Variants in ATP10A observed in about 807,000 individuals in gnomAD.
The protein encoded by ATP10A is phospholipid-transporting ATPase VA.
A neutral mutation model predicts 147.8 loss-of-function variants in ATP10A; 111 were observed. That is an observed-to-expected ratio of 0.75 (90% CI 0.64 to 0.88). The LOEUF (loss-of-function observed/expected upper bound fraction) is 0.88. ATP10A is among the 40% of genes least tolerant of loss of function. The probability of loss-of-function intolerance (pLI) is 0.00; values close to 1 mark genes in which losing one functional copy is unlikely to be tolerated. For synonymous variants in ATP10A, 875 were observed against 841.6 expected (o/e 1.04, Z -0.69); for missense variants, 1,927 against 1,959.0 (o/e 0.98, Z 0.31).
intron 10 of ATP10A, chr15:25,709,397 C>T (rs1379006610): frequency 6.6e-6 from 1 of 152,176 alleles, no homozygotes; most frequent in Non-Finnish European, 1.5e-5. Context: ...GATTGTTCCT[C>T]GAGCAAAGCC....
chr15:25,802,604 A>G (rs4906635), intron 1 of ATP10A, among the ~76,000 whole-genome samples: 64,876 of 152,050 alleles, frequency 0.43, 14,487 homozygotes, highest in Middle Eastern at 0.54. Flanking sequence ...GTCTCAGCGG[A>G]GAGTATGCTT....
At chr15:25,832,915 C>T (rs1892423259) in intron 1 of ATP10A, among the ~76,000 whole-genome samples, 1 of 151,910 alleles carries the variant, frequency 6.6e-6, no homozygotes, top group Non-Finnish European at 1.5e-5. Context: ...TAGGCAATAT[C>T]ACTCTGTGCT....
At chr15:25,746,939 T>A (rs1019101126) in intron 2 of ATP10A, among the ~76,000 whole-genome samples, 6 of 151,778 alleles carry the variant, frequency 4.0e-5, no homozygotes, top group African/African-American at 1.5e-4. Context: ...GCAAATAATA[T>A]CCCAAAAATA....
At chr15:25,815,610 C>T (rs1176969600) in intron 1 of ATP10A, among the ~76,000 whole-genome samples, 5 of 9,408 alleles carry the variant, frequency 5.3e-4, no homozygotes, top group African/African-American at 1.3e-3. Context: ...GTTCACCTCT[C>T]GCAACTGTTA....
At position 25,692,179 on chromosome 15, in the gene ATP10A, C is replaced by T. The variant is rs184258921; in HGVS notation, c.3089-388G>A. ...CAAGGCTACTCCCAGCCACACTTCC[C>T]GGGCAGTTTCTAAACTAAGGGAAGG... On this transcript the variant is annotated intron_variant, in intron 14 of 20. Coordinates refer to ENST00000555815, the MANE Select transcript of ATP10A (RefSeq NM_024490.4). Among the ~76,000 whole-genome samples, 3 of 152,226 alleles carry T rather than the reference C, an allele frequency of 2.0e-5. No individual in the cohort carries two copies. In the East Asian group the frequency reaches 5.8e-4, roughly 30 times the overall value.
intron 16 of ATP10A, 101 bp downstream of exon 16, chr15:25,687,602 T>C (rs1476824309): frequency 1.4e-6 from 1 of 734,734 alleles, no homozygotes; most frequent in Non-Finnish European, 1.7e-6. Flanking sequence ...AGGTTGTCCA[T>C]GGCCTCCCAT....
chr15:25,786,513 C>T (rs1286003577), intron 1 of ATP10A, among the ~76,000 whole-genome samples: 1 of 151,906 alleles, frequency 6.6e-6, no homozygotes, highest in Non-Finnish European at 1.5e-5. Flanking sequence ...TGGACCTCCC[C>T]TACAAAGGCC....
intron 1 of ATP10A, among the ~76,000 whole-genome samples, chr15:25,841,282 T>G (rs1596985437): frequency 1.0e-5 from 1 of 97,128 alleles, no homozygotes; most frequent in East Asian, 5.2e-4. Flanking sequence ...GTTTAGGGTT[T>G]TTTTTTTTTT....
intron 17 of ATP10A, among the ~76,000 whole-genome samples, chr15:25,682,423 G>T (rs1449852045): frequency 6.6e-6 from 1 of 152,186 alleles, no homozygotes; most frequent in African/African-American, 2.4e-5. Context: ...CACGGGACCT[G>T]CAGGAAACAC....
intron 1 of ATP10A, among the ~76,000 whole-genome samples, chr15:25,855,182 G>A (rs972854593): frequency 6.6e-5 from 10 of 151,670 alleles, no homozygotes; most frequent in African/African-American, 9.7e-5. Flanking sequence ...ACACACATAC[G>A]GCCCCCAATC....
chr15:25,819,083 A>G (rs1307108829), intron 1 of ATP10A, among the ~76,000 whole-genome samples: 3 of 152,182 alleles, frequency 2.0e-5, no homozygotes, highest in African/African-American at 7.2e-5. Context: ...GAGAAATGGG[A>G]CTTAAACTAA....
At chr15:25,810,723 C>T (rs1183640325) in intron 1 of ATP10A, among the ~76,000 whole-genome samples, 3 of 152,000 alleles carry the variant, frequency 2.0e-5, no homozygotes, top group Non-Finnish European at 4.4e-5. Flanking sequence ...CCAGGGCTGC[C>T]CAGGTTCTAA....
At chr15:25,796,434 T>C (rs11639253) in intron 1 of ATP10A, among the ~76,000 whole-genome samples, 28,249 of 152,194 alleles carry the variant, frequency 0.19, 2,979 homozygotes, top group East Asian at 0.23. Flanking sequence ...TCAGAGCTTA[T>C]AAATATGAGT....
At chr15:25,831,244 G>A (rs571152319) in intron 1 of ATP10A, among the ~76,000 whole-genome samples, 10 of 152,228 alleles carry the variant, frequency 6.6e-5, no homozygotes, top group Admixed American at 1.3e-4. Flanking sequence ...GCTCCACCCC[G>A]TATGAGATTC....
chr15:25,707,246 T>C (rs1239080705), intron 12 of ATP10A, among the ~76,000 whole-genome samples: 1 of 152,154 alleles, frequency 6.6e-6, no homozygotes, highest in Non-Finnish European at 1.5e-5. Context: ...AGAGGGCAAG[T>C]GAACACCGCC....
rs1902631536 is a variant in ATP10A, at chr15:25,727,179, G to A, written c.828C>T (p.Val276=). Residue 276 remains valine (V), a synonymous_variant, in exon 4 of 21, where the codon GTC becomes GTT. Transcript: ENST00000555815. The stretch of plus-strand genomic sequence containing the variant: ...GCCTACCTGCGTAGATGACAATGCC[G>A]ACGACTGCGTCCGTGTTCCTAAGGG... The part of the protein sequence containing the change: ...GCTLRNTDAV[V]GIVIYAGHET... The A allele has an allele frequency of 5.0e-6, 8 of 1,614,034 alleles. No individual in the cohort carries two copies. Among genetic ancestry groups the A allele is most frequent in the African/African-American group, 2.7e-5 (2 of 74,940 alleles).
At chr15:25,817,163 A>G (rs1891697079) in intron 1 of ATP10A, among the ~76,000 whole-genome samples, 1 of 152,100 alleles carries the variant, frequency 6.6e-6, no homozygotes, top group Non-Finnish European at 1.5e-5. Context: ...GCTCACTGCA[A>G]CCTCTGCCTC....
chr15:25,807,686 C>T (rs1019345075), intron 1 of ATP10A, among the ~76,000 whole-genome samples: 12 of 152,084 alleles, frequency 7.9e-5, no homozygotes, highest in African/African-American at 2.4e-4. Context: ...CCTGTAATCC[C>T]AGCTACTCGG....
chr15:25,721,137 C>A lies in ATP10A; in HGVS notation c.1363+520G>T, dbSNP rs938683528. Among the ~76,000 whole-genome samples the A allele has an allele frequency of 2.0e-5, 3 of 152,128 alleles. No homozygotes were observed. The East Asian group carries it at 5.8e-4, about 29-fold the overall frequency. ...GAGACACCAGGTTGGAAGGAGGCAG[C>A]CACAGATAAGGAAGGGAGAGGTGGG... On this transcript the variant is annotated intron_variant, in intron 7 of 20. Coordinates refer to ENST00000555815, the MANE Select transcript of ATP10A (RefSeq NM_024490.4).
Sources: allele counts gnomAD v4.1 joint callset (sites outside exome capture counted in the v4.1 genomes callset), GRCh38; gene constraint gnomAD v4.1.1; transcripts MANE v1.5; gene names NCBI Gene and HGNC (gene_info 2026-07-23, HGNC 2026-07-21).